The following UBP1 variants were observed in gnomAD, a reference collection of about 807,000 sequenced individuals.
UBP1 encodes the protein upstream-binding protein 1.
UBP1 carries 22 observed loss-of-function variants against 76.1 expected under a neutral mutation model. The ratio of observed to expected loss-of-function variants is 0.29; its 90% CI spans 0.21 to 0.41. The LOEUF (loss-of-function observed/expected upper bound fraction) is 0.41, where lower values mean the gene tolerates loss of function less well. UBP1 is among the 10% of genes least tolerant of loss of function. UBP1 has a pLI of 1.00. For missense variants in UBP1, 436 were observed against 668.1 expected (o/e 0.65, Z 3.83); for synonymous variants, 224 against 237.1 (o/e 0.94, Z 0.51).
rs2044263041 is a variant in UBP1 at position 33,402,422 on chromosome 3, CCATTTGATATAAG to C, written c.1031+366_1031+378del. On this transcript the variant is annotated intron_variant, in intron 9 of 15. Coordinates refer to ENST00000283629, the MANE Select transcript of UBP1 (RefSeq NM_014517.5). ...GAAAAGAAATACTGCAGAAAATAAC[CCATTTGATATAAG>C]CATTACAGACAAGTGAATGAACTTA... Among the ~76,000 whole-genome samples, 4 of 151,974 alleles carry C rather than the reference CCATTTGATATAAG, an allele frequency of 2.6e-5. No individual in the cohort carries two copies. The South Asian group carries it at 8.3e-4, about 32-fold the overall frequency.
rs1487918224 is a variant in UBP1 at position 33,388,707 on chromosome 3, AAGTC to A, written c.*1620_*1623del. 8 of 152,346 alleles carry A rather than the reference AAGTC, an allele frequency of 5.3e-5. No individual in the cohort carries two copies. The highest frequency in any genetic ancestry group is 1.9e-4 in the East Asian group (1 of 5,192). The allele number at this position is 152,346 out of a possible 1,614,324, so 9.4% of individuals were successfully genotyped here. Reference sequence around the variant, plus strand: ...GTGGTCACACGAAAGCAAAGGGAAAAAGTCAGAAAGGAAAACTCTCTGCCTATAG... The same window carrying A: ...GTGGTCACACGAAAGCAAAGGGAAAAAGAAAGGAAAACTCTCTGCCTATAG... On this transcript the variant is annotated 3_prime_UTR_variant, in exon 16 of 16. Coordinates refer to ENST00000283629, the MANE Select transcript of UBP1 (RefSeq NM_014517.5).
At chr3:33,395,315 A>G (rs2043931093) in intron 13 of UBP1, among the ~76,000 whole-genome samples, 1 of 151,988 alleles carries the variant, frequency 6.6e-6, no homozygotes, top group African/African-American at 2.4e-5. Flanking sequence ...GCATCTCTGA[A>G]TGCCATTAAC....
chr3:33,392,396 T>G, intron 15 of UBP1, 167 bp downstream of exon 15: 2 of 595,636 alleles, frequency 3.4e-6, no homozygotes, highest in South Asian at 5.5e-5. Context: ...CTCTTCCTTA[T>G]ATGCTAATTT....
chr3:33,399,807 A>T (rs2044152653), intron 11 of UBP1, among the ~76,000 whole-genome samples: 1 of 152,160 alleles, frequency 6.6e-6, no homozygotes, highest in Admixed American at 6.5e-5. Context: ...ATTGTACTAT[A>T]ATTATGTGAG....
At chr3:33,420,108 GAC>G (rs1304384364) in intron 2 of UBP1, among the ~76,000 whole-genome samples, 1 of 152,118 alleles carries the variant, frequency 6.6e-6, no homozygotes, top group African/African-American at 2.4e-5. Flanking sequence ...CCCAAGATGT[GAC>G]AGCCCCCACT....
At chr3:33,414,247 G>T (rs2044671472) in intron 3 of UBP1, 1 of 151,932 alleles carries the variant, frequency 6.6e-6, no homozygotes, top group Admixed American at 6.6e-5. Context: ...AGAAAGGAAT[G>T]AAAAGGAAGG....
chr3:33,427,681 G>A (rs1575489456), intron 1 of UBP1, among the ~76,000 whole-genome samples: 1 of 152,138 alleles, frequency 6.6e-6, no homozygotes, highest in Non-Finnish European at 1.5e-5. Flanking sequence ...TTCTATTAAA[G>A]CACTGTGCTG....
At chr3:33,392,368 A>T in intron 15 of UBP1, 195 bp downstream of exon 15, 1 of 509,228 alleles carries the variant, frequency 2.0e-6, no homozygotes, top group South Asian at 3.5e-5. Flanking sequence ...TTTTCCAGTC[A>T]TCTAGAAAGA....
intron 5 of UBP1, 61 bp from the exon 6 acceptor site, chr3:33,409,662 T>A: frequency 6.2e-7 from 1 of 1,607,160 alleles, no homozygotes; most frequent in East Asian, 2.2e-5. Context: ...TTTTCTATTT[T>A]GTTCCCTCTT....
At chr3:33,391,106 A>G (rs1050053895) in intron 15 of UBP1, 2 of 152,264 alleles carry the variant, frequency 1.3e-5, no homozygotes, top group African/African-American at 4.8e-5. Flanking sequence ...GTACTAGGCT[A>G]AAGATGTTTC....
chr3:33,423,228 C>T (rs1391889539), intron 2 of UBP1, among the ~76,000 whole-genome samples: 3 of 151,918 alleles, frequency 2.0e-5, no homozygotes, highest in Non-Finnish European at 2.9e-5. Context: ...CTAGTAGAGA[C>T]GGGGTTTCAC....
At chr3:33,399,532 G>A (rs1235160022) in intron 11 of UBP1, among the ~76,000 whole-genome samples, 1 of 152,108 alleles carries the variant, frequency 6.6e-6, no homozygotes, top group African/African-American at 2.4e-5. Context: ...CGTTATGCTA[G>A]TGAAAAAAAG....
intron 8 of UBP1, 80 bp from the exon 9 acceptor site, chr3:33,402,984 C>T (rs752254621): frequency 4.1e-6 from 5 of 1,209,890 alleles, no homozygotes; most frequent in East Asian, 2.6e-5. Context: ...CACTCACTAA[C>T]CAAATGCAAG....
rs777163604 is a variant in UBP1 at position 33,439,858 on chromosome 3, T to A, written c.-10A>T. 2 of 1,610,832 alleles carry A rather than the reference T, an allele frequency of 1.2e-6. No individual in the cohort carries two copies. The highest frequency in any genetic ancestry group is 8.5e-7 in the Non-Finnish European group (1 of 1,179,120). The stretch of plus-strand genomic sequence containing the variant: ...TGAGCACCCAGGCCATCTTCCGGCC[T>A]CGCCGTCGCCCCGCACACCGCGGCC... On this transcript the variant is annotated 5_prime_UTR_variant, in exon 1 of 16. Transcript: ENST00000283629.
At chr3:33,426,730 A>ACCAT (rs2045024332) in intron 1 of UBP1, among the ~76,000 whole-genome samples, 1 of 152,168 alleles carries the variant, frequency 6.6e-6, no homozygotes, top group Non-Finnish European at 1.5e-5. Flanking sequence ...TGTTTCATGG[A>ACCAT]CCATCCGTGT....
At chr3:33,402,070 T>C (rs950148491) in intron 9 of UBP1, among the ~76,000 whole-genome samples, 2 of 152,214 alleles carry the variant, frequency 1.3e-5, no homozygotes, top group African/African-American at 4.8e-5. Flanking sequence ...GGAGAACCTT[T>C]TTCTTTGTGA....
intron 12 of UBP1, chr3:33,396,700 A>T (rs2044009633): frequency 4.1e-6 from 2 of 485,530 alleles, no homozygotes; most frequent in Non-Finnish European, 7.9e-6. Flanking sequence ...ATAACTGTTT[A>T]GTAATAGTCA....
At chr3:33,417,970 C>T (rs1384711808) in intron 2 of UBP1, among the ~76,000 whole-genome samples, 2 of 152,100 alleles carry the variant, frequency 1.3e-5, no homozygotes, top group Non-Finnish European at 2.9e-5. Context: ...AGAAAAGTTG[C>T]TTACATTCAT....
At chr3:33,397,000 A>G (rs769505183) in intron 12 of UBP1, 45 bp downstream of exon 12, 2 of 1,553,266 alleles carry the variant, frequency 1.3e-6, no homozygotes, top group Non-Finnish European at 1.8e-6. Context: ...CCACGCGAAG[A>G]AAGGTACATT....
Sources: gnomAD v4.1 joint callset for allele counts (sites outside exome capture counted in the v4.1 genomes callset) on GRCh38, gnomAD v4.1.1 for gene constraint, MANE v1.5 for transcripts, NCBI Gene and HGNC (gene_info 2026-07-23, HGNC 2026-07-21) for gene names.